Variants in SPRED2 observed in about 807,000 individuals in gnomAD.
The protein encoded by SPRED2 is sprouty-related, EVH1 domain-containing protein 2.
Under a neutral mutation model 43.0 loss-of-function variants are expected in SPRED2, and 47 were observed. The ratio of observed to expected loss-of-function variants is 1.09; its 90% CI spans 0.87 to 1.40. The LOEUF (loss-of-function observed/expected upper bound fraction) is 1.40, where lower values mean the gene tolerates loss of function less well. Among genes scored for constraint, SPRED2 ranks in the 40% most tolerant of loss-of-function variants. The pLI is 0.00. For missense variants in SPRED2, 561 were observed against 586.4 expected (o/e 0.96, Z 0.45); for synonymous variants, 225 against 225.7 (o/e 1.00, Z 0.03).
At chr2:65,315,209 G>T (rs536741400) in intron 5 of SPRED2, among the ~76,000 whole-genome samples, 1 of 146,062 alleles carries the variant, frequency 6.8e-6, no homozygotes, top group Non-Finnish European at 1.5e-5. Context: ...AGGGGTTGAG[G>T]AACGTGGCTC....
intron 1 of SPRED2, among the ~76,000 whole-genome samples, chr2:65,422,102 A>T (rs866821497): frequency 4.1e-4 from 43 of 104,078 alleles, no homozygotes; most frequent in Non-Finnish European, 5.5e-4. Context: ...ACACACACAC[A>T]CACTCTCTCT....
At position 65,314,506 on chromosome 2, in the gene SPRED2, G is replaced by C. The variant is rs1263298266; in HGVS notation, c.589-337C>G. Among the ~76,000 whole-genome samples, 11 of 152,172 alleles carry C rather than the reference G, an allele frequency of 7.2e-5. No homozygotes were observed. The East Asian group carries it at 2.1e-3, about 29-fold the overall frequency. On this transcript the variant is annotated intron_variant, in intron 5 of 5. Coordinates refer to ENST00000356388, the MANE Select transcript of SPRED2 (RefSeq NM_181784.3). ...GGCACAGTGTGATGCGTTCTCAGGAGCATGGCACACTCAGATCAAGAGGCA... is the reference window on the plus strand; with the variant it reads ...GGCACAGTGTGATGCGTTCTCAGGACCATGGCACACTCAGATCAAGAGGCA...
At chr2:65,403,329 G>A (rs1012142069) in intron 1 of SPRED2, among the ~76,000 whole-genome samples, 2 of 152,216 alleles carry the variant, frequency 1.3e-5, no homozygotes, top group African/African-American at 4.8e-5. Flanking sequence ...GGAGTGCAGT[G>A]GTGCATGCAT....
chr2:65,323,543 G>A (rs1053159772), intron 4 of SPRED2, among the ~76,000 whole-genome samples: 10 of 151,660 alleles, frequency 6.6e-5, no homozygotes, highest in Non-Finnish European at 7.4e-5. Context: ...ACAGGGACAG[G>A]GCTGGCCTGT....
chr2:65,311,574 G>A lies in SPRED2; in HGVS notation c.*1927C>T. On this transcript the variant is annotated 3_prime_UTR_variant, in exon 6 of 6. Transcript: ENST00000356388. ...CCAAGGAAGTGCCTCCGGGTCGGGG[G>A]AAGGTGGTCTCTCGACAGCACTGGA... is the stretch of plus-strand genomic sequence containing the variant. 1 of 985,862 alleles carries A rather than the reference G, an allele frequency of 1.0e-6. No individual in the cohort carries two copies. Among genetic ancestry groups the A allele is most frequent in the Non-Finnish European group, 1.2e-6 (1 of 829,944 alleles). The allele number at this position is 985,862 out of a possible 1,614,324, so 61.1% of individuals were successfully genotyped here.
intron 1 of SPRED2, among the ~76,000 whole-genome samples, chr2:65,417,321 C>A (rs531943381): frequency 5.3e-5 from 8 of 152,326 alleles, no homozygotes; most frequent in Admixed American, 5.2e-4. Flanking sequence ...AGCTGATCAT[C>A]TAAGGACCCA....
chr2:65,376,496 T>C (rs1476984756), intron 1 of SPRED2, among the ~76,000 whole-genome samples: 2 of 152,218 alleles, frequency 1.3e-5, no homozygotes, highest in African/African-American at 2.4e-5. Flanking sequence ...ATTTGATTCA[T>C]AAATCAAAAT....
In SPRED2 at chr2:65,369,919, T is replaced by C. The variant is rs890329360; in HGVS notation, c.27-25023A>G. On this transcript the variant is annotated intron_variant, in intron 1 of 5. Coordinates refer to ENST00000356388, the MANE Select transcript of SPRED2 (RefSeq NM_181784.3). ...TGCCTCTGAGCTCTCCAGGACTTCA[T>C]GTATTCATTTCCTAGCACTGATCCT... Among the ~76,000 whole-genome samples, 5 of 152,376 alleles carry C rather than the reference T, an allele frequency of 3.3e-5. No homozygotes were observed. The East Asian group carries it at 7.7e-4, about 23-fold the overall frequency.
At chr2:65,427,778 C>T (rs1399439157) in intron 1 of SPRED2, among the ~76,000 whole-genome samples, 1 of 152,186 alleles carries the variant, frequency 6.6e-6, no homozygotes, top group Non-Finnish European at 1.5e-5. Flanking sequence ...AGAAAGGCTG[C>T]GAGCTCTGAG....
Position 65,334,675 on chromosome 2 carries a change from AG to A in SPRED2, c.302del (p.Thr101IlefsTer15). ...WKVDNRKFGL[T>X]FQSPADARAF... Reference sequence around the variant, plus strand: ...CTCGGGCATCAGCAGGGCTTTGGAAAGTAAGTCCAAACTTCCTATTATCGAC... The same window carrying A: ...CTCGGGCATCAGCAGGGCTTTGGAAATAAGTCCAAACTTCCTATTATCGAC... On this transcript the variant is annotated frameshift_variant, in exon 3 of 6. Transcript: ENST00000356388. LOFTEE classifies it high-confidence loss of function. 1 of 1,614,240 alleles carries A rather than the reference AG, an allele frequency of 6.2e-7. No individual in the cohort carries two copies. Among genetic ancestry groups the A allele is most frequent in the Non-Finnish European group, 8.5e-7 (1 of 1,180,038 alleles).
Position 65,311,719 on chromosome 2 carries a change from C to G in SPRED2, c.*1782G>C. 5.1e-6 allele frequency: 5 copies of G among 985,436 alleles called. No homozygotes were observed. The highest frequency in any genetic ancestry group is 6.0e-6 in the Non-Finnish European group (5 of 829,928). The allele number at this position is 985,436 out of a possible 1,614,324, so 61.0% of individuals were successfully genotyped here. A position where few individuals can be genotyped will look rare whatever the true frequency, so the allele number is the denominator to read the frequency against. ...AACTGGAAAGCCTAAACCAGTTACT[C>G]CAATGAATGAAGACGTCTACTAACT... On this transcript the variant is annotated 3_prime_UTR_variant, in exon 6 of 6. Transcript: ENST00000356388.
At chr2:65,339,411 G>T (rs1229367632) in intron 2 of SPRED2, among the ~76,000 whole-genome samples, 2 of 151,548 alleles carry the variant, frequency 1.3e-5, no homozygotes, top group African/African-American at 2.4e-5. Context: ...GGATCCTGTT[G>T]ATCTATGACC....
chr2:65,325,233 A>G (rs1051699747), intron 4 of SPRED2, among the ~76,000 whole-genome samples: 2 of 152,236 alleles, frequency 1.3e-5, no homozygotes, highest in African/African-American at 4.8e-5. Context: ...CCAGGAACAC[A>G]AGGGCTGACT....
At position 65,432,503 on chromosome 2, in the gene SPRED2, C is replaced by G. The variant is rs1668911386; in HGVS notation, c.-516G>C. On this transcript the variant is annotated 5_prime_UTR_variant, in exon 1 of 6. Transcript: ENST00000356388. ...TCCGAGCCCCATCTCTCGACTCCAC[C>G]GATTTACTCCATATTGGATTCTCAC... 6.5e-6 allele frequency: 1 copy of G among 154,696 alleles called. No individual in the cohort carries two copies. Among genetic ancestry groups the G allele is most frequent in the Admixed American group, 6.5e-5 (1 of 15,316 alleles). 9.6% of individuals were successfully genotyped at this position (154,696 alleles called of 1,614,324 possible).
intron 1 of SPRED2, among the ~76,000 whole-genome samples, chr2:65,388,725 C>A (rs1675563547): frequency 6.6e-6 from 1 of 152,148 alleles, no homozygotes; most frequent in Admixed American, 6.5e-5. Flanking sequence ...ACCACACACA[C>A]ACACACCCCA....
Position 65,312,141 on chromosome 2 carries a change from T to G in SPRED2, c.*1360A>C. On this transcript the variant is annotated 3_prime_UTR_variant, in exon 6 of 6. Transcript: ENST00000356388. ...TCCTTGCAACGTATTAGAAAAATAC[T>G]CTTTTCCAGCTAATTAGAAGCCTCC... 3 of 985,612 alleles carry G rather than the reference T, an allele frequency of 3.0e-6. No homozygotes were observed. Among genetic ancestry groups the G allele is most frequent in the Non-Finnish European group, 3.6e-6 (3 of 829,946 alleles). 61.1% of individuals were successfully genotyped at this position (985,612 alleles called of 1,614,324 possible).
chr2:65,406,028 T>C (rs1676016199), intron 1 of SPRED2, among the ~76,000 whole-genome samples: 1 of 152,108 alleles, frequency 6.6e-6, no homozygotes, highest in Admixed American at 6.5e-5. Flanking sequence ...GCAACCAGAC[T>C]CTCCCACTAT....
chr2:65,420,616 T>G (rs1676400702), intron 1 of SPRED2, among the ~76,000 whole-genome samples: 1 of 152,240 alleles, frequency 6.6e-6, no homozygotes, highest in Admixed American at 6.5e-5. Context: ...AGGAAACTAT[T>G]ATGTTAAAGT....
Position 65,390,928 on chromosome 2 carries a change from G to A in SPRED2, c.26+41034C>T, listed in dbSNP as rs1572889039. 3.3e-5 allele frequency among the ~76,000 whole-genome samples: 5 copies of A among 151,890 alleles called. 1 individual carries two copies. Among genetic ancestry groups the A allele is most frequent in the Admixed American group, 3.3e-4 (5 of 15,242 alleles). ...GTAAAACCCCGTCTCTACAAAAAAT[G>A]CAAAATAAAATTAGCTGGGTGTGGG... On this transcript the variant is annotated intron_variant, in intron 1 of 5. Coordinates refer to ENST00000356388, the MANE Select transcript of SPRED2 (RefSeq NM_181784.3).
Sources: allele counts gnomAD v4.1 joint callset (sites outside exome capture counted in the v4.1 genomes callset), GRCh38; gene constraint gnomAD v4.1.1; transcripts MANE v1.5; gene names NCBI Gene and HGNC (gene_info 2026-07-23, HGNC 2026-07-21).